Variants in ANO4 observed in about 807,000 individuals in gnomAD.
The protein encoded by ANO4 is anoctamin-4.
A neutral mutation model predicts 141.9 loss-of-function variants in ANO4; 69 were observed. The ratio of observed to expected loss-of-function variants is 0.49; its 90% CI spans 0.40 to 0.59. The LOEUF (loss-of-function observed/expected upper bound fraction) is 0.59, where lower values mean the gene tolerates loss of function less well. Among genes scored for constraint, ANO4 ranks in the 20% least tolerant of loss-of-function variants. The pLI, the probability that ANO4 is intolerant of heterozygous loss-of-function variation, is 0.00. For synonymous variants in ANO4, 350 were observed against 394.3 expected, an observed-to-expected ratio of 0.89 and a Z score of 1.33; for missense variants, 894 against 1,162.2, an observed-to-expected ratio of 0.77 and a Z score of 3.36.
At chr12:100,841,719 T>C (rs1033579203) in intron 1 of ANO4, among the ~76,000 whole-genome samples, 1 of 152,190 alleles carries the variant, frequency 6.6e-6, no homozygotes, top group Non-Finnish European at 1.5e-5. Context: ...TAGTTTAAAA[T>C]CATTGTTTGA....
chr12:101,080,883 T>TATATATATATATATTA (rs1491584060), intron 15 of ANO4, among the ~76,000 whole-genome samples: 1 of 74,068 alleles, frequency 1.4e-5, no homozygotes. Context: ...TATATATATA[T>TATATATATATATATTA]TATATATATA....
intron 1 of ANO4, among the ~76,000 whole-genome samples, chr12:100,825,194 G>A (rs193170075): frequency 6.6e-6 from 1 of 152,042 alleles, no homozygotes; most frequent in East Asian, 1.9e-4. Flanking sequence ...AGCTGCTATT[G>A]GTTTAGGAAG....
chr12:101,079,509 A>G (rs1290976009), intron 15 of ANO4, among the ~76,000 whole-genome samples: 1 of 152,166 alleles, frequency 6.6e-6, no homozygotes, highest in Non-Finnish European at 1.5e-5. Context: ...TTCCACTTGT[A>G]GGTAGAGGCA....
intron 2 of ANO4, among the ~76,000 whole-genome samples, chr12:100,909,797 G>A (rs2041018983): frequency 6.6e-6 from 1 of 152,102 alleles, no homozygotes; most frequent in Non-Finnish European, 1.5e-5. Flanking sequence ...TCACCTGATG[G>A]CTATTACAGC....
At chr12:101,083,639 C>A (rs2049370468) in intron 15 of ANO4, 39 bp from the exon 16 acceptor site, 2 of 1,580,188 alleles carry the variant, frequency 1.3e-6, no homozygotes, top group Non-Finnish European at 1.7e-6. Context: ...TGTGTGAGCA[C>A]CTCTTTAGTG....
intron 5 of ANO4, among the ~76,000 whole-genome samples, chr12:100,951,469 A>G (rs2042966941): frequency 6.6e-6 from 1 of 152,230 alleles, no homozygotes; most frequent in African/African-American, 2.4e-5. Context: ...TAAAGAAAAC[A>G]TAGTACTTAC....
intron 1 of ANO4, among the ~76,000 whole-genome samples, chr12:100,895,148 G>GGT (rs2040289594): frequency 6.8e-6 from 1 of 147,902 alleles, no homozygotes; most frequent in African/African-American, 2.5e-5. Context: ...CCTTCTACAG[G>GGT]TTTTTTTTTT....
intron 3 of ANO4, among the ~76,000 whole-genome samples, chr12:100,759,184 T>G (rs1182169484): frequency 6.6e-6 from 1 of 152,182 alleles, no homozygotes; most frequent in Admixed American, 6.5e-5. Flanking sequence ...CTAACTCAAG[T>G]TTTTGGATGC....
At chr12:101,118,060 G>T (rs141570665) in intron 25 of ANO4, among the ~76,000 whole-genome samples, 10 of 152,056 alleles carry the variant, frequency 6.6e-5, no homozygotes, top group Non-Finnish European at 1.3e-4. Context: ...CTCTGTTGGG[G>T]TCTAGTGGAG....
intron 1 of ANO4, among the ~76,000 whole-genome samples, chr12:100,806,939 G>A (rs1348767189): frequency 6.6e-6 from 1 of 151,836 alleles, no homozygotes; most frequent in Non-Finnish European, 1.5e-5. Flanking sequence ...ATTGTTTATG[G>A]TATTTGAGGC....
intron 14 of ANO4, among the ~76,000 whole-genome samples, chr12:101,062,888 G>A (rs1479686145): frequency 1.3e-5 from 2 of 152,204 alleles, no homozygotes; most frequent in Non-Finnish European, 2.9e-5. Flanking sequence ...TTCCAGGGGA[G>A]TGAACAGCTC....
intron 3 of ANO4, among the ~76,000 whole-genome samples, chr12:100,936,429 A>G (rs895831519): frequency 4.6e-5 from 7 of 152,162 alleles, no homozygotes; most frequent in African/African-American, 1.7e-4. Context: ...AATGTCAAAT[A>G]TGGTCTGGGA....
At chr12:100,877,505 GC>G (rs2039372841) in intron 1 of ANO4, among the ~76,000 whole-genome samples, 1 of 151,198 alleles carries the variant, frequency 6.6e-6, no homozygotes. Context: ...TAGACCACGT[GC>G]TTTTTTTTTT....
chr12:100,956,280 G>C (rs1474649562), intron 5 of ANO4, among the ~76,000 whole-genome samples: 2 of 152,300 alleles, frequency 1.3e-5, no homozygotes, highest in East Asian at 3.9e-4. Flanking sequence ...AGATCATGAT[G>C]GTCTTCGAAG....
intron 18 of ANO4, among the ~76,000 whole-genome samples, chr12:101,094,513 A>G (rs574610889): frequency 6.6e-6 from 1 of 152,342 alleles, no homozygotes; most frequent in East Asian, 1.9e-4. Context: ...TCATGAGCTA[A>G]TGTAATTTAA....
rs545337365 is a variant in ANO4 at position 100,817,650 on chromosome 12, C to T, written c.-141+22623C>T. Among the ~76,000 whole-genome samples, 23 of 151,932 alleles carry T rather than the reference C, an allele frequency of 1.5e-4. No individual in the cohort carries two copies. In the South Asian group the frequency reaches 1.7e-3, roughly 11 times the overall value. On this transcript the variant is annotated intron_variant, in intron 1 of 27. Coordinates refer to ENST00000392977, the MANE Select transcript of ANO4 (RefSeq NM_001286615.2). ...CCATGTTTATGTCTGCTAAACTGGT[C>T]ATTGATTTTCATACTGTGAACTTTC...
chr12:100,934,224 G>A (rs1249764576), intron 3 of ANO4, among the ~76,000 whole-genome samples: 1 of 152,134 alleles, frequency 6.6e-6, no homozygotes, highest in Non-Finnish European at 1.5e-5. Context: ...GGTTTTTATG[G>A]TTTTAGGTCT....
intron 2 of ANO4, among the ~76,000 whole-genome samples, chr12:100,736,266 T>C (rs1244231438): frequency 1.3e-5 from 2 of 152,190 alleles, no homozygotes; most frequent in South Asian, 2.1e-4. Context: ...GATGATTCAG[T>C]AGCTAACAAA....
chr12:101,019,972 C>A, intron 8 of ANO4, 62 bp from the exon 9 acceptor site: 3 of 1,399,266 alleles, frequency 2.1e-6, no homozygotes, highest in Non-Finnish European at 2.0e-6. Context: ...CAAATTATAA[C>A]AAAAATTAGA....
Sources: gnomAD v4.1 joint callset for allele counts (sites outside exome capture counted in the v4.1 genomes callset) on GRCh38, gnomAD v4.1.1 for gene constraint, MANE v1.5 for transcripts, NCBI Gene and HGNC (gene_info 2026-07-23, HGNC 2026-07-21) for gene names.